The following DCAF1 variants were observed in gnomAD, a reference collection of about 807,000 sequenced individuals.
The protein encoded by DCAF1 is DDB1 and CUL4 associated factor 1, also known as DDB1- and CUL4-associated factor 1.
A neutral mutation model predicts 128.0 loss-of-function variants in DCAF1; 15 were observed. That is an observed-to-expected ratio of 0.12 (90% CI 0.08 to 0.18). DCAF1 has a LOEUF of 0.18. Ranked by LOEUF, DCAF1 falls within the 10% of genes least tolerant of loss-of-function variation. The probability of loss-of-function intolerance (pLI) is 1.00; values close to 1 mark genes in which losing one functional copy is unlikely to be tolerated. For missense variants in DCAF1, 988 were observed against 1,649.5 expected, an observed-to-expected ratio of 0.60 and a Z score of 6.95; for synonymous variants, 610 against 603.0, an observed-to-expected ratio of 1.01 and a Z score of -0.17.
At chr3:51,428,737 T>C (rs1452309468) in intron 12 of DCAF1, among the ~76,000 whole-genome samples, 1 of 152,124 alleles carries the variant, frequency 6.6e-6, no homozygotes, top group Non-Finnish European at 1.5e-5. Flanking sequence ...CTCACACCTG[T>C]AATTCTAGCA....
chr3:51,398,092 T>C lies in DCAF1; in HGVS notation c.*677A>G, dbSNP rs1179287014. 6.5e-6 allele frequency: 1 copy of C among 153,340 alleles called. No individual in the cohort carries two copies. Among genetic ancestry groups the C allele is most frequent in the African/African-American group, 2.4e-5 (1 of 41,424 alleles). The allele number at this position is 153,340 out of a possible 1,614,324, so 9.5% of individuals were successfully genotyped here. On this transcript the variant is annotated 3_prime_UTR_variant, in exon 25 of 25. Coordinates refer to ENST00000684031, the MANE Select transcript of DCAF1 (RefSeq NM_001387579.1). ...ATGAAGGTGAGTGAATTTAGGCATT[T>C]ACCCAGCAGACAGAGTGCCTTCCTC...
At chr3:51,497,839 T>C (rs552693426) in intron 1 of DCAF1, among the ~76,000 whole-genome samples, 2 of 151,838 alleles carry the variant, frequency 1.3e-5, no homozygotes, top group Admixed American at 1.3e-4. Context: ...TGAGTTATGA[T>C]GACACTCGAG....
intron 7 of DCAF1, 88 bp downstream of exon 7, chr3:51,443,678 A>C: frequency 8.4e-7 from 1 of 1,187,096 alleles, no homozygotes; most frequent in Non-Finnish European, 1.1e-6. Context: ...AAGATAATCA[A>C]TATGATCTAC....
At chr3:51,443,381 G>C (rs1390967092) in intron 7 of DCAF1, among the ~76,000 whole-genome samples, 1 of 152,032 alleles carries the variant, frequency 6.6e-6, no homozygotes, top group Non-Finnish European at 1.5e-5. Context: ...ATGAGGTCAG[G>C]AGTTCGAGAC....
intron 24 of DCAF1, among the ~76,000 whole-genome samples, chr3:51,401,122 A>C (rs1577038271): frequency 9.3e-6 from 1 of 107,922 alleles, no homozygotes. Flanking sequence ...ACAGAGTGAG[A>C]CTCCATCTCA....
At chr3:51,435,192 C>T (rs1367946992) in intron 9 of DCAF1, among the ~76,000 whole-genome samples, 1 of 152,208 alleles carries the variant, frequency 6.6e-6, no homozygotes, top group African/African-American at 2.4e-5. Flanking sequence ...CTGTGTGACA[C>T]CCATTATAAT....
intron 6 of DCAF1, among the ~76,000 whole-genome samples, chr3:51,453,401 G>A (rs1475909677): frequency 6.6e-6 from 1 of 152,002 alleles, no homozygotes; most frequent in Non-Finnish European, 1.5e-5. Context: ...GCTGAGGCGG[G>A]AGGACTGCTT....
intron 24 of DCAF1, among the ~76,000 whole-genome samples, chr3:51,400,468 T>C (rs1553624500): frequency 6.6e-6 from 1 of 152,168 alleles, no homozygotes; most frequent in Non-Finnish European, 1.5e-5. Context: ...CTAAGAATCT[T>C]AACCACGCTG....
chr3:51,489,485 T>C (rs1288530699), intron 2 of DCAF1, among the ~76,000 whole-genome samples: 4 of 151,116 alleles, frequency 2.6e-5, no homozygotes, highest in African/African-American at 7.3e-5. Context: ...GGCAGAGTAA[T>C]TAGGCAAGAA....
intron 6 of DCAF1, among the ~76,000 whole-genome samples, chr3:51,456,584 G>A (rs1702934705): frequency 6.6e-6 from 1 of 152,194 alleles, no homozygotes; most frequent in Non-Finnish European, 1.5e-5. Context: ...CCAGCATGCA[G>A]CTTGAGATCT....
rs1344544812 is a variant in DCAF1, at chr3:51,419,994, T to C, written c.2976A>G (p.Lys992=). ...GAYSQSPAIK[K]QLDRHLPSPP... ...GGGAAGGAAGATGTCTGTCCAGCTG[T>C]TTTTTTATGGCTGGGCTTTGGCTGT... The change falls in exon 15 of 25, where the codon AAA becomes AAG. Residue 992 remains lysine, a synonymous_variant. Transcript: ENST00000684031. 1.2e-6 allele frequency: 2 copies of C among 1,614,002 alleles called. No individual in the cohort carries two copies. The highest frequency in any genetic ancestry group is 1.7e-5 in the Admixed American group (1 of 60,022).
At chr3:51,473,810 CT>C (rs113104446) in intron 3 of DCAF1, among the ~76,000 whole-genome samples, 11,113 of 145,450 alleles carry the variant, frequency 0.076, 957 homozygotes, top group East Asian at 0.33. Context: ...CCTTGCTAGT[CT>C]TTTTTTTTTT....
intron 2 of DCAF1, among the ~76,000 whole-genome samples, chr3:51,496,418 G>A (rs76020161): frequency 0.074 from 11,223 of 152,020 alleles, 969 homozygotes; most frequent in East Asian, 0.33. Context: ...CAAGAGCAAA[G>A]AAAACAGTCA....
intron 6 of DCAF1, among the ~76,000 whole-genome samples, chr3:51,457,844 T>A (rs539288574): frequency 6.6e-6 from 1 of 152,238 alleles, no homozygotes; most frequent in African/African-American, 2.4e-5. Context: ...AATAAAATAC[T>A]TCACAGACAA....
chr3:51,432,420 A>C (rs995828499), intron 10 of DCAF1, among the ~76,000 whole-genome samples: 15 of 151,706 alleles, frequency 9.9e-5, no homozygotes, highest in African/African-American at 3.6e-4. Context: ...ATACGATATA[A>C]ACGTGTGTGT....
intron 6 of DCAF1, among the ~76,000 whole-genome samples, chr3:51,455,949 AACAGCTCCCGTCT>A (rs1428805311): frequency 9.2e-5 from 14 of 152,126 alleles, no homozygotes; most frequent in South Asian, 8.3e-4. Flanking sequence ...GCCGAATAGG[AACAGCTCCCGTCT>A]ACAGCTCCCA....
chr3:51,397,970 C>G lies in DCAF1; in HGVS notation c.*799G>C, dbSNP rs1044464509. On this transcript the variant is annotated 3_prime_UTR_variant, in exon 25 of 25. Transcript: ENST00000684031. Reference sequence around the variant, plus strand: ...GGAAGAAAAAAAGATTTTTGAAAAACTGAATCACAAAGAAAAATAGAGGGA... The same window carrying G: ...GGAAGAAAAAAAGATTTTTGAAAAAGTGAATCACAAAGAAAAATAGAGGGA... 11 of 166,096 alleles carry G rather than the reference C, an allele frequency of 6.6e-5. No homozygotes were observed. The highest frequency in any genetic ancestry group is 2.4e-4 in the African/African-American group (10 of 41,308). 10.3% of individuals were successfully genotyped at this position (166,096 alleles called of 1,614,324 possible).
chr3:51,478,735 T>C (rs1705793177), intron 3 of DCAF1, among the ~76,000 whole-genome samples: 1 of 152,142 alleles, frequency 6.6e-6, no homozygotes, highest in Non-Finnish European at 1.5e-5. Context: ...GCGATCCTCC[T>C]ACCTCAGCCT....
In DCAF1 at chr3:51,441,752, T is replaced by A. The variant is rs1701377817; in HGVS notation, c.659A>T (p.Asp220Val). 2 of 1,613,872 alleles carry A rather than the reference T, an allele frequency of 1.2e-6. No individual in the cohort carries two copies. The highest frequency in any genetic ancestry group is 1.3e-5 in the African/African-American group (1 of 74,938). ...TCCATCCACTACATCTACAGCCATG[T>A]CACCATAGTCCATATCCACAGCCTC... ...DEEAVDMDYG[D>V]MAVDVVDGDQ... The change falls in exon 8 of 25, where the codon GAC becomes GTC. Residue 220 changes from aspartate to valine, a missense_variant. Coordinates refer to ENST00000684031, the MANE Select transcript of DCAF1 (RefSeq NM_001387579.1).
Sources: allele counts gnomAD v4.1 joint callset (sites outside exome capture counted in the v4.1 genomes callset), GRCh38; gene constraint gnomAD v4.1.1; transcripts MANE v1.5; gene names NCBI Gene and HGNC (gene_info 2026-07-23, HGNC 2026-07-21).